Variants in RGL4 observed in about 807,000 individuals in gnomAD.
The protein encoded by RGL4 is ral-GDS-related protein.
RGL4 carries 41 observed loss-of-function variants against 49.6 expected under a neutral mutation model. That is an observed-to-expected ratio of 0.83 (90% CI 0.64 to 1.07). RGL4 has a LOEUF of 1.07. Ranked by LOEUF, RGL4 falls within the 50% of genes least tolerant of loss-of-function variation. RGL4 has a pLI of 0.00. For synonymous variants in RGL4, 255 were observed against 238.0 expected (o/e 1.07, Z -0.66); for missense variants, 610 against 591.9 (o/e 1.03, Z -0.32).
intron 10 of RGL4, 93 bp downstream of exon 10, chr22:23,698,426 G>T: frequency 7.0e-7 from 1 of 1,431,812 alleles, no homozygotes. Flanking sequence ...CTGCACTGCA[G>T]TGTCACCATC....
In RGL4 at chr22:23,696,627, A is replaced by G; in HGVS notation, c.1100A>G (p.Lys367Arg). 1 of 1,613,794 alleles carries G rather than the reference A, an allele frequency of 6.2e-7. No individual in the cohort carries two copies. Among genetic ancestry groups the G allele is most frequent in the Non-Finnish European group, 8.5e-7 (1 of 1,179,888 alleles). ...RDLLIKAGSF[K>R]VATQERNPQR... is the part of the protein sequence containing the mutation. ...GACACCTGGCAGGCGGGGAGCTTTAAGGTGGCCACCCAGGAGAGGAACCCC... is the reference window on the plus strand; with the variant it reads ...GACACCTGGCAGGCGGGGAGCTTTAGGGTGGCCACCCAGGAGAGGAACCCC... Residue 367 changes from lysine (K) to arginine (R), a missense_variant, in exon 7 of 11, where the codon AAG becomes AGG. By Grantham distance (26) the Lys-to-Arg change is conservative. Transcript: ENST00000290691.
intron 7 of RGL4, 28 bp from the exon 8 acceptor site, chr22:23,697,143 C>A: frequency 3.9e-6 from 6 of 1,548,604 alleles, no homozygotes; most frequent in Non-Finnish European, 4.4e-6. Flanking sequence ...CACTACCCCT[C>A]CCACCTCCCC....
chr22:23,698,658 C>A (rs1258747986), intron 10 of RGL4, 186 bp from the exon 11 acceptor site: 1 of 793,216 alleles, frequency 1.3e-6, no homozygotes, highest in Admixed American at 2.1e-5. Context: ...GTGAGCCACC[C>A]CACCTGGCCT....
chr22:23,695,035 G>A lies in RGL4; in HGVS notation c.1086+16G>A. The A allele has an allele frequency of 3.8e-6, 6 of 1,580,010 alleles. No homozygotes were observed. The highest frequency in any genetic ancestry group is 5.2e-6 in the Non-Finnish European group (6 of 1,149,178). On this transcript the variant is annotated intron_variant, in intron 6 of 10. Transcript: ENST00000290691. ...ACTGATCAAGGTACAGTGGAGTCTG[G>A]GAGATGCAGGACAAGTGTTTAAGGG... is the stretch of plus-strand genomic sequence containing the variant.
In RGL4 at chr22:23,694,992, T is replaced by C; in HGVS notation, c.1059T>C (p.Thr353=). 2 of 1,613,356 alleles carry C rather than the reference T, an allele frequency of 1.2e-6. No individual in the cohort carries two copies. Among genetic ancestry groups the C allele is most frequent in the South Asian group, 1.1e-5 (1 of 91,040 alleles). ...KELKELCKKD[T]AVKRDLLIKA... is the part of the protein sequence containing the mutation. ...TAAAAGAACTCTGCAAAAAAGACACTGCAGTGAAGAGGGACCTACTGATCA... is the reference window on the plus strand; with the variant it reads ...TAAAAGAACTCTGCAAAAAAGACACCGCAGTGAAGAGGGACCTACTGATCA... Residue 353 remains threonine, a synonymous_variant, in exon 6 of 11, where the codon ACT becomes ACC. Transcript: ENST00000290691.
At position 23,698,346 on chromosome 22, in the gene RGL4, C is replaced by T. The variant is rs1373374404; in HGVS notation, c.1382+13C>T. On this transcript the variant is annotated intron_variant, in intron 10 of 10. Coordinates refer to ENST00000290691, the MANE Select transcript of RGL4 (RefSeq NM_153615.2). ...GTGACAAAGAGAGGTGAGGGCCTAG[C>T]CCATGGGCTGAGGGTGGGAGAAGGC... 1 of 1,596,160 alleles carries T rather than the reference C, an allele frequency of 6.3e-7. No homozygotes were observed. The highest frequency in any genetic ancestry group is 8.6e-7 in the Non-Finnish European group (1 of 1,166,392).
At chr22:23,698,123 C>G (rs1923631405) in intron 9 of RGL4, 89 bp from the exon 10 acceptor site, 1 of 1,527,360 alleles carries the variant, frequency 6.5e-7, no homozygotes, top group South Asian at 1.2e-5. Context: ...GAAAACTGCC[C>G]CAGGGACCAG....
At chr22:23,697,062 G>A in intron 7 of RGL4, 109 bp from the exon 8 acceptor site, 1 of 844,550 alleles carries the variant, frequency 1.2e-6, no homozygotes, top group Non-Finnish European at 1.9e-6. Flanking sequence ...AGGGGGCTCT[G>A]GGAGACAGGG....
chr22:23,691,144 G>A lies in RGL4; in HGVS notation c.-887G>A, dbSNP rs1923113540. 6.6e-6 allele frequency: 1 copy of A among 152,204 alleles called. No individual in the cohort carries two copies. The highest frequency in any genetic ancestry group is 2.1e-4 in the South Asian group (1 of 4,832). 9.4% of individuals were successfully genotyped at this position (152,204 alleles called of 1,614,324 possible). On this transcript the variant is annotated 5_prime_UTR_variant, in exon 1 of 11. Coordinates refer to ENST00000290691, the MANE Select transcript of RGL4 (RefSeq NM_153615.2). ...AGGGGTCCCTAGAGCCTAAAACTCT[G>A]GAAAATCTGCTGGGGGTGCTGTGAT...
At chr22:23,697,749 G>A in intron 8 of RGL4, 89 bp from the exon 9 acceptor site, 2 of 1,398,228 alleles carry the variant, frequency 1.4e-6, no homozygotes, top group South Asian at 1.2e-5. Context: ...TGACCCTGGT[G>A]GCCCTGGCAG....
Position 23,696,265 on chromosome 22 carries a change from G to A in RGL4, c.1087-349G>A, listed in dbSNP as rs539240964. On this transcript the variant is annotated intron_variant, in intron 6 of 10. Transcript: ENST00000290691. ...TGAGCCTGTAGTGCAGGCCTCACAGGGTAGAAATGAAGTTCAAGAAAAGAA... is the reference window on the plus strand; with the variant it reads ...TGAGCCTGTAGTGCAGGCCTCACAGAGTAGAAATGAAGTTCAAGAAAAGAA... 1.3e-4 allele frequency: 161 copies of A among 1,206,950 alleles called. 1 individual carries two copies. In the African/African-American group the frequency reaches 2.1e-3, roughly 16 times the overall value. The allele number at this position is 1,206,950 out of a possible 1,614,324, so 74.8% of individuals were successfully genotyped here.
In RGL4 at chr22:23,692,362, GC is replaced by G. The variant is rs759898419; in HGVS notation, c.213del (p.Glu72LysfsTer17). 1 of 1,614,092 alleles carries G rather than the reference GC, an allele frequency of 6.2e-7. No homozygotes were observed. The highest frequency in any genetic ancestry group is 8.5e-7 in the Non-Finnish European group (1 of 1,179,998). On this transcript the variant is annotated frameshift_variant, in exon 2 of 11. Coordinates refer to ENST00000290691, the MANE Select transcript of RGL4 (RefSeq NM_153615.2). LOFTEE classifies it high-confidence loss of function. ...RTITSILFNW[P>X]PENTSVYYQP... The stretch of plus-strand genomic sequence containing the variant: ...CCATCACCTCCATTTTGTTCAACTG[GC>G]CCCCCGAAAACACTTCAGTTTACTA...
chr22:23,693,298 A>G (rs912786500), intron 3 of RGL4: 16 of 487,338 alleles, frequency 3.3e-5, no homozygotes, highest in African/African-American at 2.1e-4. Context: ...CCAGCTGCTC[A>G]GGAGCCTCAC....
rs373254169 is a variant in RGL4, at chr22:23,692,773, G to A, written c.478G>A (p.Ala160Thr). ...GCCTGCTCTGGAGCCAGAGTCACCT[G>A]CAGCCCTGGGTCCACCAGGATATCT... is the stretch of plus-strand genomic sequence containing the variant. ...LGPALEPESP[A>T]ALGPPGYLHS... Residue 160 changes from alanine (A) to threonine (T), a missense_variant, in exon 3 of 11, where the codon GCA becomes ACA. Transcript: ENST00000290691. 36 of 1,613,384 alleles carry A rather than the reference G, an allele frequency of 2.2e-5. No individual in the cohort carries two copies. The highest frequency in any genetic ancestry group is 1.2e-4 in the Admixed American group (7 of 60,012).
chr22:23,696,385 T>G, intron 6 of RGL4: 2 of 1,476,508 alleles, frequency 1.4e-6, no homozygotes, highest in Non-Finnish European at 1.8e-6. Flanking sequence ...TCAGAGGCCC[T>G]GTGAGGTAGC....
rs536081029 is a variant in RGL4 at position 23,697,929 on chromosome 22, G to T, written c.1260+68G>T. The T allele has an allele frequency of 9.1e-6, 14 of 1,540,770 alleles. No homozygotes were observed. The East Asian group carries it at 1.8e-4, about 20-fold the overall frequency. On this transcript the variant is annotated intron_variant, in intron 9 of 10. Coordinates refer to ENST00000290691, the MANE Select transcript of RGL4 (RefSeq NM_153615.2). ...GGACGTCACAGTCCACCCTGGGCAG[G>T]ACACTCCCTGGCTCCATCCTCTACA...
rs747546517 is a variant in RGL4 at position 23,693,863 on chromosome 22, C to T, written c.801C>T (p.Ile267=). ...TGGCACCCACAGTTCGTGCCACCAT[C>T]GCACACTTCAACAGGCTCACCAACT... is the stretch of plus-strand genomic sequence containing the variant. ...EHMAPTVRAT[I]AHFNRLTNCI... is the part of the protein sequence containing the mutation. The change falls in exon 4 of 11, where the codon ATC becomes ATT. Residue 267 remains isoleucine, a synonymous_variant. Coordinates refer to ENST00000290691, the MANE Select transcript of RGL4 (RefSeq NM_153615.2). 62 of 1,613,928 alleles carry T rather than the reference C, an allele frequency of 3.8e-5. No homozygotes were observed. In the East Asian group the frequency reaches 1.0e-3, roughly 27 times the overall value.
At position 23,694,328 on chromosome 22, in the gene RGL4, C is replaced by T. The variant is rs2123857759; in HGVS notation, c.913-19C>T. ...CAAGCTCCAACTCTGAACCGCACAG[C>T]TCATTCTTCCCTCTCCAGGAGTGCC... On this transcript the variant is annotated intron_variant, in intron 4 of 10. Transcript: ENST00000290691. 2 of 1,582,110 alleles carry T rather than the reference C, an allele frequency of 1.3e-6. No individual in the cohort carries two copies. Among genetic ancestry groups the T allele is most frequent in the African/African-American group, 1.3e-5 (1 of 74,432 alleles).
chr22:23,693,148 C>T, intron 3 of RGL4, 157 bp downstream of exon 3: 1 of 1,305,516 alleles, frequency 7.7e-7, no homozygotes. Flanking sequence ...CCTTCCCTGT[C>T]TGCATGTGGA....
Sources: gnomAD v4.1 joint callset for allele counts on GRCh38, gnomAD v4.1.1 for gene constraint, MANE v1.5 for transcripts, NCBI Gene and HGNC (gene_info 2026-07-23, HGNC 2026-07-21) for gene names.